LRRIQ1: variants seen among roughly 807,000 people sequenced by gnomAD.
LRRIQ1 encodes leucine rich repeats and IQ motif containing 1, also known as leucine-rich repeat- and IQ domain-containing protein 1.
Under a neutral mutation model 211.9 loss-of-function variants are expected in LRRIQ1, and 210 were observed. The observed-to-expected ratio is 0.99, with a 90% CI of 0.89 to 1.11. The LOEUF is 1.11. Among genes scored for constraint, LRRIQ1 ranks in the 50% most tolerant of loss-of-function variants. LRRIQ1 has a pLI of 0.00. For synonymous variants in LRRIQ1, 699 were observed against 650.1 expected (o/e 1.08, Z -1.14); for missense variants, 2,136 against 1,939.5 (o/e 1.10, Z -1.90).
intron 15 of LRRIQ1, among the ~76,000 whole-genome samples, chr12:85,116,420 A>T (rs911072205): frequency 2.0e-5 from 3 of 152,304 alleles, no homozygotes; most frequent in Admixed American, 6.5e-5. Context: ...CTGGGATTAC[A>T]GGCGTGAGCC....
At chr12:85,226,034 G>A (rs1325941483) in intron 24 of LRRIQ1, among the ~76,000 whole-genome samples, 1 of 152,060 alleles carries the variant, frequency 6.6e-6, no homozygotes, top group Non-Finnish European at 1.5e-5. Context: ...TTTATGCCTT[G>A]GGGTTAAAAT....
chr12:85,156,217 A>G (rs1890536101), intron 23 of LRRIQ1, among the ~76,000 whole-genome samples: 1 of 151,784 alleles, frequency 6.6e-6, no homozygotes, highest in Non-Finnish European at 1.5e-5. Context: ...TCAATATATT[A>G]GAATAATGAA....
At chr12:85,262,171 T>C (rs1896319494) in intron 1 of LRRIQ1, among the ~76,000 whole-genome samples, 1 of 152,290 alleles carries the variant, frequency 6.6e-6, no homozygotes, top group African/African-American at 2.4e-5. Flanking sequence ...TTCTTAGGAC[T>C]AGGACTATTG....
At chr12:85,194,685 A>G (rs2136968890) in intron 24 of LRRIQ1, among the ~76,000 whole-genome samples, 1 of 152,306 alleles carries the variant, frequency 6.6e-6, no homozygotes, top group African/African-American at 2.4e-5. Flanking sequence ...GTGTAGAGGG[A>G]AATTTATAGC....
chr12:85,041,145 C>A (rs1731456019), intron 3 of LRRIQ1, among the ~76,000 whole-genome samples: 1 of 151,356 alleles, frequency 6.6e-6, no homozygotes, highest in Non-Finnish European at 1.5e-5. Flanking sequence ...AAATGACAGA[C>A]AAATATTTAA....
At chr12:85,196,362 T>C (rs1158239568) in intron 24 of LRRIQ1, among the ~76,000 whole-genome samples, 1 of 152,116 alleles carries the variant, frequency 6.6e-6, no homozygotes, top group Non-Finnish European at 1.5e-5. Context: ...AGAGCCCACA[T>C]CGCCAAGTCA....
chr12:85,141,746 CT>C (rs918965406), intron 19 of LRRIQ1, among the ~76,000 whole-genome samples: 1 of 151,086 alleles, frequency 6.6e-6, no homozygotes, highest in African/African-American at 2.4e-5. Flanking sequence ...AGTATTTAGA[CT>C]GTTTTAATTG....
chr12:85,236,831 A>G (rs1381838956), intron 26 of LRRIQ1, among the ~76,000 whole-genome samples: 2 of 34,342 alleles, frequency 5.8e-5, no homozygotes, highest in East Asian at 7.0e-4. Flanking sequence ...GTATGTGTGC[A>G]TATATATATA....
At position 85,059,419 on chromosome 12, in the gene LRRIQ1, A is replaced by G. The variant is rs372651213; in HGVS notation, c.2391+2235A>G. Among the ~76,000 whole-genome samples, 8 of 152,122 alleles carry G rather than the reference A, an allele frequency of 5.3e-5. No individual in the cohort carries two copies. The East Asian group carries it at 7.8e-4, about 15-fold the overall frequency. The stretch of plus-strand genomic sequence containing the variant: ...GCAAAATCATCTGGCAACGTGGTAC[A>G]CTGTAGAGTATTTGTTGTTTACCCT... On this transcript the variant is annotated intron_variant, in intron 8 of 26. Coordinates refer to ENST00000393217, the MANE Select transcript of LRRIQ1 (RefSeq NM_001079910.2).
At chr12:85,269,713 G>A in the LRRIQ1 span, among the ~76,000 whole-genome samples, 1 of 151,926 alleles carries the variant, frequency 6.6e-6, no homozygotes, top group African/African-American at 2.4e-5. Context: ...AGTCCTCTAA[G>A]TCTAGTATTG....
chr12:85,140,399 T>C (rs766390301), intron 19 of LRRIQ1, among the ~76,000 whole-genome samples: 7 of 151,194 alleles, frequency 4.6e-5, no homozygotes, highest in Non-Finnish European at 1.0e-4. Context: ...GTTGATTTGT[T>C]CCTAAGTATA....
chr12:85,206,638 G>A (rs1893562782), intron 24 of LRRIQ1, among the ~76,000 whole-genome samples: 2 of 152,048 alleles, frequency 1.3e-5, no homozygotes, highest in Admixed American at 1.3e-4. Context: ...GGAGAGTGAG[G>A]TTGGAGAGGG....
rs560610351 is a variant in LRRIQ1, at chr12:85,045,200, T to C, written c.336+391T>C. 3.3e-5 allele frequency among the ~76,000 whole-genome samples: 5 copies of C among 152,070 alleles called. No individual in the cohort carries two copies. In the South Asian group the frequency reaches 1.0e-3, roughly 31 times the overall value. On this transcript the variant is annotated intron_variant, in intron 4 of 26. Coordinates refer to ENST00000393217, the MANE Select transcript of LRRIQ1 (RefSeq NM_001079910.2). The stretch of plus-strand genomic sequence containing the variant: ...CGTTATAGAAAATTTAAATTTACAA[T>C]ACTTTATAGTAGTTTTTAGAAACAA...
chr12:85,238,247 T>C (rs2137238564), intron 26 of LRRIQ1, among the ~76,000 whole-genome samples: 1 of 151,698 alleles, frequency 6.6e-6, no homozygotes, highest in South Asian at 2.1e-4. Flanking sequence ...TTAAAAAAAA[T>C]CAAAGCTTGA....
At position 85,153,008 on chromosome 12, in the gene LRRIQ1, C is replaced by T. The variant is rs376627691; in HGVS notation, c.4420-16C>T. Reference sequence around the variant, plus strand: ...TTTTATTTTACTTCACACTTATTTACTTTTTTTGTGAAAAGATTCCTGGAA... The same window carrying T: ...TTTTATTTTACTTCACACTTATTTATTTTTTTTGTGAAAAGATTCCTGGAA... On this transcript the variant is annotated splice_polypyrimidine_tract_variant and intron_variant, in intron 20 of 26. Transcript: ENST00000393217. The T allele has an allele frequency of 1.9e-4, 283 of 1,523,414 alleles. No homozygotes were observed. Among genetic ancestry groups the T allele is most frequent in the Non-Finnish European group, 2.2e-4 (241 of 1,119,234 alleles). The allele number at this position is 1,523,414 out of a possible 1,614,324, so 94.4% of individuals were successfully genotyped here. A position where few individuals can be genotyped will look rare whatever the true frequency, so the allele number is the denominator to read the frequency against.
At chr12:85,086,954 A>G (rs12823471) in intron 11 of LRRIQ1, among the ~76,000 whole-genome samples, 33,305 of 149,002 alleles carry the variant, frequency 0.22, 4,352 homozygotes, top group Admixed American at 0.31. Flanking sequence ...TATTATTATT[A>G]TTATTATACT....
intron 2 of LRRIQ1, among the ~76,000 whole-genome samples, chr12:85,039,185 G>T (rs2135861007): frequency 6.6e-6 from 1 of 151,240 alleles, no homozygotes; most frequent in African/African-American, 2.4e-5. Flanking sequence ...ATAATGGATT[G>T]TTTTATATTT....
downstream of LRRIQ1, among the ~76,000 whole-genome samples, chr12:85,269,404 G>T (rs545736960): frequency 2.0e-5 from 3 of 152,082 alleles, no homozygotes; most frequent in East Asian, 3.9e-4. Context: ...AATATGAAGC[G>T]ATAACAATCA....
intron 13 of LRRIQ1, among the ~76,000 whole-genome samples, chr12:85,102,957 A>ATATATATATATATATAT (rs1383729830): frequency 1.7e-5 from 2 of 117,400 alleles, no homozygotes; most frequent in African/African-American, 6.9e-5. Flanking sequence ...AAAAAAAAAA[A>ATATATATATATATATAT]AAATATATAT....
Sources: allele counts gnomAD v4.1 joint callset (sites outside exome capture counted in the v4.1 genomes callset), GRCh38; gene constraint gnomAD v4.1.1; transcripts MANE v1.5; gene names NCBI Gene and HGNC (gene_info 2026-07-23, HGNC 2026-07-21).